The following NEK11 variants were observed in gnomAD, a reference collection of about 807,000 sequenced individuals.
NEK11 encodes the protein NIMA related kinase 11, also known as serine/threonine-protein kinase Nek11.
Under a neutral mutation model 80.7 loss-of-function variants are expected in NEK11, and 72 were observed. The ratio of observed to expected loss-of-function variants is 0.89; its 90% CI spans 0.74 to 1.08. The LOEUF (loss-of-function observed/expected upper bound fraction) is 1.08. Ranked by LOEUF, NEK11 falls within the 50% of genes least tolerant of loss-of-function variation. NEK11 has a pLI of 0.00. For synonymous variants in NEK11, 251 were observed against 260.7 expected, an observed-to-expected ratio of 0.96 and a Z score of 0.36; for missense variants, 764 against 763.6, an observed-to-expected ratio of 1.00 and a Z score of -0.01.
At chr3:131,344,594 G>C (rs537137469) in intron 17 of NEK11, among the ~76,000 whole-genome samples, 13 of 148,318 alleles carry the variant, frequency 8.8e-5, no homozygotes, top group African/African-American at 3.3e-4. Context: ...TTGCTATAAA[G>C]AAATATCTGA....
rs546620049 is a variant in NEK11 at position 131,190,434 on chromosome 3, A to C, written c.1399+19547A>C. Among the ~76,000 whole-genome samples the C allele has an allele frequency of 1.3e-4, 20 of 152,294 alleles. No homozygotes were observed. In the South Asian group the frequency reaches 4.1e-3, roughly 32 times the overall value. On this transcript the variant is annotated intron_variant, in intron 14 of 17. Coordinates refer to ENST00000383366, the MANE Select transcript of NEK11 (RefSeq NM_024800.5). The stretch of plus-strand genomic sequence containing the variant: ...TCCCTAAAGTAATGAGTGATTTCTC[A>C]CTTGATGAGTTCAGATGAGATCTGG...
chr3:131,029,625 A>ACT lies in NEK11; in HGVS notation c.-83_-82dup. On this transcript the variant is annotated 5_prime_UTR_variant, in exon 3 of 18. Transcript: ENST00000383366. ...TTTCATCTTTAAGGAACTGACCAACACTGGATGAATTTGACCATTTCTTAG... is the reference window on the plus strand; with the variant it reads ...TTTCATCTTTAAGGAACTGACCAACACTCTGGATGAATTTGACCATTTCTTAG... The ACT allele has an allele frequency of 7.5e-7, 1 of 1,339,454 alleles. No individual in the cohort carries two copies. Among genetic ancestry groups the ACT allele is most frequent in the Non-Finnish European group, 1.0e-6 (1 of 954,954 alleles). 83.0% of individuals were successfully genotyped at this position (1,339,454 alleles called of 1,614,324 possible). A position where few individuals can be genotyped will look rare whatever the true frequency, so the allele number is the denominator to read the frequency against.
At chr3:131,255,050 G>GACAGACAGACAGAC in intron 16 of NEK11, among the ~76,000 whole-genome samples, 1 of 132,634 alleles carries the variant, frequency 7.5e-6, no homozygotes, top group East Asian at 2.2e-4. Flanking sequence ...GAGAGAGAGA[G>GACAGACAGACAGAC]AGACAGACAG....
rs577772637 is a variant in NEK11, at chr3:131,078,928, AT to A, written c.171-1489del. The stretch of plus-strand genomic sequence containing the variant: ...ATAAAATATATATTATTTTTATATT[AT>A]TTTTTAGGACCTAGTTTTCTAGATT... On this transcript the variant is annotated intron_variant, in intron 3 of 17. Transcript: ENST00000383366. 5.7e-3 allele frequency among the ~76,000 whole-genome samples: 733 copies of A among 128,392 alleles called. 11 individuals carry two copies. The highest frequency in any genetic ancestry group is 0.021 in the African/African-American group (700 of 33,986). 84.2% of individuals were successfully genotyped at this position (128,392 alleles called of 152,430 possible).
intron 17 of NEK11, among the ~76,000 whole-genome samples, chr3:131,341,672 G>T (rs1258569170): frequency 2.0e-5 from 3 of 152,206 alleles, no homozygotes; most frequent in South Asian, 2.1e-4. Flanking sequence ...TTTTGATTCT[G>T]TTTTATTAGA....
chr3:131,090,964 A>T (rs1578122725), intron 4 of NEK11, among the ~76,000 whole-genome samples: 1 of 152,140 alleles, frequency 6.6e-6, no homozygotes, highest in African/African-American at 2.4e-5. Context: ...GGATCTTGCT[A>T]TGTTGCCCAG....
chr3:131,070,118 T>C (rs1493372), intron 3 of NEK11, among the ~76,000 whole-genome samples: 13 of 152,222 alleles, frequency 8.5e-5, no homozygotes, highest in Non-Finnish European at 1.9e-4. Flanking sequence ...TTTTTTTATA[T>C]CCTTATTAAC....
At chr3:131,126,855 T>C (rs1449364559) in intron 5 of NEK11, among the ~76,000 whole-genome samples, 1 of 152,118 alleles carries the variant, frequency 6.6e-6, no homozygotes, top group Non-Finnish European at 1.5e-5. Context: ...TTCATTGCTA[T>C]GCACTCCTTC....
chr3:131,214,691 G>T (rs1448788134), intron 14 of NEK11, among the ~76,000 whole-genome samples: 1 of 89,950 alleles, frequency 1.1e-5, no homozygotes, highest in Non-Finnish European at 2.5e-5. Context: ...GTGAATGTGC[G>T]TGCATGTGTG....
chr3:131,167,154 C>T (rs779834293), intron 12 of NEK11, among the ~76,000 whole-genome samples: 5 of 152,138 alleles, frequency 3.3e-5, no homozygotes, highest in Non-Finnish European at 7.4e-5. Flanking sequence ...TTCCTATGTA[C>T]ACTCTGATTA....
At chr3:131,031,711 G>A (rs2064875711) in intron 3 of NEK11, among the ~76,000 whole-genome samples, 1 of 152,076 alleles carries the variant, frequency 6.6e-6, no homozygotes, top group South Asian at 2.1e-4. Flanking sequence ...ATTTGTTAGT[G>A]ATCTTTCTTG....
At chr3:131,195,748 C>T (rs1216842540) in intron 14 of NEK11, among the ~76,000 whole-genome samples, 2 of 145,916 alleles carry the variant, frequency 1.4e-5, no homozygotes, top group Non-Finnish European at 3.0e-5. Context: ...AGTTGTGGTA[C>T]ATATAATGTC....
rs1281474177 is a variant in NEK11, at chr3:131,162,443, T to G, written c.998T>G (p.Leu333Arg). 2 of 1,614,124 alleles carry G rather than the reference T, an allele frequency of 1.2e-6. No homozygotes were observed. The highest frequency in any genetic ancestry group is 1.7e-6 in the Non-Finnish European group (2 of 1,179,986). ...KRIHLQTLRALSEVQKMTPRE... is the reference protein window; with the variant it reads ...KRIHLQTLRARSEVQKMTPRE... ...ATCCACCTGCAGACTCTGAGGGCAC[T>G]GTCAGAAGTACAGAAAATGACGCCA... The change falls in exon 11 of 18, where the codon CTG becomes CGG. Residue 333 changes from leucine (L) to arginine (R), a missense_variant. Coordinates refer to ENST00000383366, the MANE Select transcript of NEK11 (RefSeq NM_024800.5).
intron 5 of NEK11, among the ~76,000 whole-genome samples, chr3:131,130,709 A>G (rs2084279245): frequency 6.6e-6 from 1 of 152,164 alleles, no homozygotes; most frequent in South Asian, 2.1e-4. Context: ...TGATGGATAC[A>G]TTAATTGACT....
At chr3:131,335,631 C>G (rs202246628) in intron 17 of NEK11, among the ~76,000 whole-genome samples, 27,451 of 151,224 alleles carry the variant, frequency 0.18, 4,664 homozygotes, top group African/African-American at 0.44. Context: ...AATTAGGCAG[C>G]AGAAGGAAAT....
chr3:131,285,489 C>T (rs986719820), intron 17 of NEK11, among the ~76,000 whole-genome samples: 2 of 152,180 alleles, frequency 1.3e-5, no homozygotes, highest in African/African-American at 4.8e-5. Flanking sequence ...CAGCTGAGGG[C>T]AATTCTTCAA....
intron 14 of NEK11, among the ~76,000 whole-genome samples, chr3:131,228,003 T>C (rs549414559): frequency 6.6e-6 from 1 of 152,244 alleles, no homozygotes; most frequent in South Asian, 2.1e-4. Context: ...TAGAAAAGAA[T>C]TGTGTTTTTC....
intron 14 of NEK11, among the ~76,000 whole-genome samples, chr3:131,181,750 A>G (rs1427721063): frequency 6.7e-6 from 1 of 150,236 alleles, no homozygotes; most frequent in African/African-American, 2.4e-5. Context: ...CGCCTCAAAA[A>G]AAAAAAAAAA....
At chr3:131,277,488 C>G (rs2096313904) in intron 17 of NEK11, among the ~76,000 whole-genome samples, 1 of 152,184 alleles carries the variant, frequency 6.6e-6, no homozygotes, top group African/African-American at 2.4e-5. Context: ...AAAGAACCTT[C>G]CAGCTCAGTA....
Sources: allele counts gnomAD v4.1 joint callset (sites outside exome capture counted in the v4.1 genomes callset), GRCh38; gene constraint gnomAD v4.1.1; transcripts MANE v1.5; gene names NCBI Gene and HGNC (gene_info 2026-07-23, HGNC 2026-07-21).